The following UTRN variants were observed in gnomAD, a reference collection of about 807,000 sequenced individuals.
UTRN encodes dystrophin-related protein 1.
UTRN carries 283 observed loss-of-function variants against 463.9 expected under a neutral mutation model. The ratio of observed to expected loss-of-function variants is 0.61; its 90% CI spans 0.55 to 0.67. UTRN has a LOEUF of 0.67. Among genes scored for constraint, UTRN ranks in the 30% least tolerant of loss-of-function variants. The probability of loss-of-function intolerance (pLI) is 0.00; values close to 1 mark genes in which losing one functional copy is unlikely to be tolerated. For synonymous variants in UTRN, 1,442 were observed against 1,431.5 expected, an observed-to-expected ratio of 1.01 and a Z score of -0.17; for missense variants, 3,922 against 4,084.3, an observed-to-expected ratio of 0.96 and a Z score of 1.08.
intron 2 of UTRN, among the ~76,000 whole-genome samples, chr6:144,355,141 G>T (rs576726334): frequency 6.6e-6 from 1 of 152,300 alleles, no homozygotes; most frequent in Admixed American, 6.5e-5. Context: ...TGTGTGGAAA[G>T]CAGGTATGCC....
At chr6:144,795,388 G>A (rs763165448) in intron 63 of UTRN, among the ~76,000 whole-genome samples, 3 of 152,288 alleles carry the variant, frequency 2.0e-5, no homozygotes, top group South Asian at 2.1e-4. Flanking sequence ...TATATACCTA[G>A]TAATGGGATT....
intron 54 of UTRN, among the ~76,000 whole-genome samples, chr6:144,744,226 G>C (rs1344245538): frequency 6.8e-6 from 1 of 148,066 alleles, no homozygotes; most frequent in Non-Finnish European, 1.5e-5. Flanking sequence ...GGAGTTTGAT[G>C]CTGTGAGCCA....
At chr6:144,597,576 GA>G (rs1190917920) in intron 51 of UTRN, among the ~76,000 whole-genome samples, 1 of 152,188 alleles carries the variant, frequency 6.6e-6, no homozygotes, top group Non-Finnish European at 1.5e-5. Context: ...CTTTTGTTGA[GA>G]CAGGCATGGG....
At chr6:144,353,797 A>C (rs538205253) in intron 2 of UTRN, among the ~76,000 whole-genome samples, 4 of 152,290 alleles carry the variant, frequency 2.6e-5, no homozygotes, top group Admixed American at 2.0e-4. Flanking sequence ...CAATGAGCTG[A>C]GATACTGCCA....
intron 25 of UTRN, among the ~76,000 whole-genome samples, 168 bp downstream of exon 25, chr6:144,474,927 T>TA (rs1490083450): frequency 6.6e-6 from 1 of 152,164 alleles, no homozygotes; most frequent in East Asian, 1.9e-4. Flanking sequence ...TTTTTTAAAT[T>TA]AAGAGAGGGT....
intron 2 of UTRN, among the ~76,000 whole-genome samples, chr6:144,377,659 T>C (rs1227204754): frequency 1.3e-5 from 2 of 152,220 alleles, no homozygotes; most frequent in Non-Finnish European, 2.9e-5. Flanking sequence ...GTTGTGGGGC[T>C]GCTCCCTGTG....
intron 50 of UTRN, among the ~76,000 whole-genome samples, chr6:144,567,258 A>G (rs1156967578): frequency 6.6e-6 from 1 of 152,156 alleles, no homozygotes; most frequent in African/African-American, 2.4e-5. Context: ...CTGATCCTAG[A>G]AGAGGAGCTC....
In UTRN at chr6:144,706,225, CT is replaced by C. The variant is rs59062596; in HGVS notation, c.7809+5995del. ...GAGATTGCTCTATATTTCAGGGCAGCTTTTTTTTTTTTTAAGTCCTTGAAAA... is the reference window on the plus strand; with the variant it reads ...GAGATTGCTCTATATTTCAGGGCAGCTTTTTTTTTTTTAAGTCCTTGAAAA... On this transcript the variant is annotated intron_variant, in intron 53 of 74. Transcript: ENST00000367545. Among the ~76,000 whole-genome samples, 768 of 144,084 alleles carry C rather than the reference CT, an allele frequency of 5.3e-3. 2 individuals carry two copies. The highest frequency in any genetic ancestry group is 0.014 in the African/African-American group (554 of 39,858). 94.5% of individuals were successfully genotyped at this position (144,084 alleles called of 152,430 possible). A position where few individuals can be genotyped will look rare whatever the true frequency, so the allele number is the denominator to read the frequency against.
Position 144,730,476 on chromosome 6 carries a change from A to G in UTRN, c.7929A>G (p.Gln2643=). The G allele has an allele frequency of 6.2e-7, 1 of 1,607,954 alleles. No homozygotes were observed. Among genetic ancestry groups the G allele is most frequent in the Non-Finnish European group, 8.5e-7 (1 of 1,176,786 alleles). The change falls in exon 54 of 75, where the codon CAA becomes CAG. Residue 2643 remains glutamine (Q), a synonymous_variant. Transcript: ENST00000367545. ...EAPEEPRRNL[Q]SKTELTPEER... ...CTGAAGAGCCAAGAAGAAACCTACA[A>G]TCAAAAACAGGTGAGACTGGTTTCT...
At chr6:144,289,877 C>T (rs1249622194) in intron 1 of UTRN, among the ~76,000 whole-genome samples, 1 of 152,066 alleles carries the variant, frequency 6.6e-6, no homozygotes, top group East Asian at 1.9e-4. Context: ...TGGTCTCGAA[C>T]TCCTGAACTC....
chr6:144,635,513 T>C (rs564411095), intron 51 of UTRN, among the ~76,000 whole-genome samples: 8 of 72,656 alleles, frequency 1.1e-4, no homozygotes, highest in Admixed American at 1.8e-4. Flanking sequence ...CCTTTTTTTT[T>C]CTTTTTTTTT....
chr6:144,485,243 G>A (rs994403498), intron 27 of UTRN, 142 bp from the exon 28 acceptor site: 62 of 1,234,266 alleles, frequency 5.0e-5, no homozygotes, highest in South Asian at 2.9e-4. Flanking sequence ...TTATTTTTTT[G>A]AAGTTTCAAC....
Position 144,389,236 on chromosome 6 carries a change from T to C in UTRN, c.80-13887T>C, listed in dbSNP as rs142088829. ...GGTTGCATTCTTTTGAATATCTGAT[T>C]AGCCTCTCCGAAGGAGGCAATCAGA... On this transcript the variant is annotated intron_variant, in intron 2 of 74. Transcript: ENST00000367545. 4.8e-3 allele frequency among the ~76,000 whole-genome samples: 729 copies of C among 152,318 alleles called. 2 individuals carry two copies. Among genetic ancestry groups the C allele is most frequent in the Non-Finnish European group, 8.0e-3 (545 of 68,016 alleles).
chr6:144,454,014 G>C, intron 19 of UTRN, 145 bp downstream of exon 19: 1 of 679,216 alleles, frequency 1.5e-6, no homozygotes. Flanking sequence ...TTAGGCAGCA[G>C]AATCTTTAAA....
chr6:144,437,829 A>G lies in UTRN; in HGVS notation c.1241+83A>G. On this transcript the variant is annotated intron_variant, in intron 11 of 74. Coordinates refer to ENST00000367545, the MANE Select transcript of UTRN (RefSeq NM_007124.3). ...TCTAGTAGATGTCTGCATGTCTGTG[A>G]AAGCGAGATGATTACAGAACTTGCC... The G allele has an allele frequency of 3.6e-6, 5 of 1,383,286 alleles. No homozygotes were observed. In the South Asian group the frequency reaches 4.8e-5, roughly 13 times the overall value. The allele number at this position is 1,383,286 out of a possible 1,614,324, so 85.7% of individuals were successfully genotyped here.
At chr6:144,531,232 T>G in intron 42 of UTRN, 30 bp downstream of exon 42, 1 of 1,611,418 alleles carries the variant, frequency 6.2e-7, no homozygotes, top group Non-Finnish European at 8.5e-7. Context: ...GGAGGGGGAC[T>G]GCACATATGG....
chr6:144,577,416 C>A, intron 51 of UTRN, 128 bp downstream of exon 51: 1 of 949,548 alleles, frequency 1.1e-6, no homozygotes, highest in Non-Finnish European at 1.5e-6. Flanking sequence ...CCGTGCTCTC[C>A]TGTGAATAAT....
intron 46 of UTRN, among the ~76,000 whole-genome samples, chr6:144,546,025 A>G (rs980985973): frequency 6.6e-6 from 1 of 152,220 alleles, no homozygotes; most frequent in African/African-American, 2.4e-5. Flanking sequence ...TCATGCCTGC[A>G]GCGTCTAGAA....
chr6:144,728,007 G>A (rs1295731879), intron 53 of UTRN, among the ~76,000 whole-genome samples: 2 of 151,416 alleles, frequency 1.3e-5, no homozygotes, highest in East Asian at 3.9e-4. Flanking sequence ...GGCTGAGGCA[G>A]GAGAATCACT....
Sources: allele counts gnomAD v4.1 joint callset (sites outside exome capture counted in the v4.1 genomes callset), GRCh38; gene constraint gnomAD v4.1.1; transcripts MANE v1.5; gene names NCBI Gene and HGNC (gene_info 2026-07-23, HGNC 2026-07-21).